TNRC18: variants seen among roughly 807,000 people sequenced by gnomAD.
The protein encoded by TNRC18 is trinucleotide repeat containing 18.
In TNRC18, 69 loss-of-function variants were observed where a neutral mutation model predicts 226.7. That is an observed-to-expected ratio of 0.30 (90% confidence interval 0.25 to 0.37). The LOEUF (loss-of-function observed/expected upper bound fraction) is 0.37. Among genes scored for constraint, TNRC18 ranks in the 10% least tolerant of loss-of-function variants. The pLI is 1.00. For synonymous variants in TNRC18, 2,449 were observed against 1,927.6 expected (o/e 1.27, Z -7.09); for missense variants, 4,754 against 4,256.6 (o/e 1.12, Z -3.25).
In TNRC18 at chr7:5,377,106, G is replaced by A. The variant is rs1280597449; in HGVS notation, c.2462-113C>T. 1 of 1,437,284 alleles carries A rather than the reference G, an allele frequency of 7.0e-7. No homozygotes were observed. Among genetic ancestry groups the A allele is most frequent in the Non-Finnish European group, 9.3e-7 (1 of 1,072,744 alleles). The allele number at this position is 1,437,284 out of a possible 1,614,324, so 89.0% of individuals were successfully genotyped here. A position where few individuals can be genotyped will look rare whatever the true frequency, so the allele number is the denominator to read the frequency against. Reference sequence around the variant, plus strand: ...AGTCCTGAACCTCCTGGGGCCTCCAGTGGGGAAGCCAAGGGACAGGGGTGC... The same window carrying A: ...AGTCCTGAACCTCCTGGGGCCTCCAATGGGGAAGCCAAGGGACAGGGGTGC... On this transcript the variant is annotated intron_variant, in intron 7 of 29. Coordinates refer to ENST00000430969, the MANE Select transcript of TNRC18 (RefSeq NM_001080495.3). This position sits in a 1 kb window ranked among gnomAD's most constrained non-coding sequence, Gnocchi z 5.8.
At chr7:5,386,784 A>ATT (rs1172419994) in intron 5 of TNRC18, among the ~76,000 whole-genome samples, 1 of 152,116 alleles carries the variant, frequency 6.6e-6, no homozygotes, top group African/African-American at 2.4e-5. Flanking sequence ...CTAAAAATAA[A>ATT]TAAAACAGGC....
At chr7:5,329,682 C>CAAAAAAAAAAAA (rs10628315) in intron 19 of TNRC18, among the ~76,000 whole-genome samples, 1 of 45,756 alleles carries the variant, frequency 2.2e-5, no homozygotes, top group Non-Finnish European at 3.6e-5. Flanking sequence ...GACTCCGTCT[C>CAAAAAAAAAAAA]AAAAAAAAAA....
intron 2 of TNRC18, among the ~76,000 whole-genome samples, chr7:5,396,184 A>AG (rs1780676088): frequency 6.8e-6 from 1 of 147,872 alleles, no homozygotes; most frequent in Admixed American, 6.8e-5. Context: ...AAAAAAAAAA[A>AG]AAAAATGCAA....
intron 13 of TNRC18, 52 bp downstream of exon 13, chr7:5,361,845 G>T (rs947892805): frequency 2.6e-6 from 4 of 1,509,770 alleles, no homozygotes; most frequent in South Asian, 1.3e-5. Context: ...GCGCCTGGGG[G>T]CCTGGTGGGC....
At chr7:5,378,104 C>G in intron 5 of TNRC18, 80 bp from the exon 6 acceptor site, 1 of 1,178,322 alleles carries the variant, frequency 8.5e-7, no homozygotes. Flanking sequence ...GCCCTCACCC[C>G]TCCCTGGGCC....
intron 21 of TNRC18, among the ~76,000 whole-genome samples, chr7:5,321,825 C>T (rs1346247442): frequency 5.9e-5 from 9 of 151,802 alleles, no homozygotes; most frequent in Non-Finnish European, 8.8e-5. Context: ...GTGCCTGCCA[C>T]CAGGCCCGGC....
At chr7:5,342,750 G>A (rs1217446420) in intron 18 of TNRC18, among the ~76,000 whole-genome samples, 1 of 152,228 alleles carries the variant, frequency 6.6e-6, no homozygotes, top group Non-Finnish European at 1.5e-5. Context: ...CAGCAGCAGG[G>A]TTTGAGAGGA....
In TNRC18 at chr7:5,376,076, C is replaced by T. The variant is rs771690172; in HGVS notation, c.2757G>A (p.Gln919=). ...TCTGCAGTTCCAAGGCCTGGGCCGC[C>T]TGCTGCTGCAGGTACAGGAACTCCT... The part of the protein sequence containing the change: ...RQQEFLYLQQ[Q]AAQALELQRS... Residue 919 remains glutamine (Q), a synonymous_variant, in exon 9 of 30, where the codon CAG becomes CAA. Transcript: ENST00000430969. 16 of 1,597,302 alleles carry T rather than the reference C, an allele frequency of 1.0e-5. No individual in the cohort carries two copies. The highest frequency in any genetic ancestry group is 1.4e-5 in the Non-Finnish European group (16 of 1,173,266).
At chr7:5,380,804 T>A (rs1296155563) in intron 5 of TNRC18, among the ~76,000 whole-genome samples, 1 of 152,140 alleles carries the variant, frequency 6.6e-6, no homozygotes, top group Non-Finnish European at 1.5e-5. Flanking sequence ...GTCCCACAGC[T>A]GTGCTGAGAA....
Position 5,324,323 on chromosome 7 carries a change from C to T in TNRC18, c.6333G>A (p.Leu2111=). ...NRGKGGAVSK[L]MESMAAEEDF... is the part of the protein sequence containing the mutation. ...CCTCCTCGGCTGCCATGCTCTCCAT[C>T]AGCTTGCTCACGGCACCCCCCTTGC... The change falls in exon 21 of 30, where the codon CTG becomes CTA. Residue 2111 remains leucine, a synonymous_variant. Coordinates refer to ENST00000430969, the MANE Select transcript of TNRC18 (RefSeq NM_001080495.3). This position sits in a 1 kb window ranked among gnomAD's most constrained non-coding sequence, Gnocchi z 4.8. 1 of 1,613,646 alleles carries T rather than the reference C, an allele frequency of 6.2e-7. No homozygotes were observed. The highest frequency in any genetic ancestry group is 1.1e-5 in the South Asian group (1 of 91,078).
At chr7:5,314,671 G>A (rs1787661482) in intron 26 of TNRC18, among the ~76,000 whole-genome samples, 1 of 143,550 alleles carries the variant, frequency 7.0e-6, no homozygotes, top group Non-Finnish European at 1.5e-5. Flanking sequence ...CTCCCAGGTT[G>A]AAGTGATTCT....
Position 5,333,009 on chromosome 7 carries a change from C to T in TNRC18, c.5760G>A (p.Lys1920=), listed in dbSNP as rs1390100003. 1.3e-6 allele frequency: 2 copies of T among 1,578,070 alleles called. No homozygotes were observed. The highest frequency in any genetic ancestry group is 3.5e-5 in the Admixed American group (2 of 57,494). Residue 1920 remains lysine, a synonymous_variant, in exon 19 of 30, where the codon AAG becomes AAA. Coordinates refer to ENST00000430969, the MANE Select transcript of TNRC18 (RefSeq NM_001080495.3). ...FEYTDSESEV[K]VRKRSPAGLL... is the part of the protein sequence containing the mutation. ...GCCCCGCAGGCGACCGCTTGCGCAC[C>T]TTGACCTCGCTCTCTGAGTCGGTGT...
intron 10 of TNRC18, among the ~76,000 whole-genome samples, 173 bp from the exon 11 acceptor site, chr7:5,371,537 G>C (rs1794160146): frequency 6.6e-6 from 1 of 152,178 alleles, no homozygotes; most frequent in East Asian, 1.9e-4. Context: ...GGGCCATGCA[G>C]TGGCCCCAAA....
intron 2 of TNRC18, chr7:5,420,726 C>G (rs1454281001): frequency 7.0e-6 from 4 of 568,844 alleles, no homozygotes; most frequent in South Asian, 3.1e-5. Flanking sequence ...CCGGTTTGTT[C>G]TTTTCTCGCC....
In TNRC18 at chr7:5,313,159, C is replaced by T. The variant is rs1264904511; in HGVS notation, c.7732G>A (p.Gly2578Ser). The T allele has an allele frequency of 2.8e-5, 43 of 1,518,392 alleles. 1 individual carries two copies. Among genetic ancestry groups the T allele is most frequent in the African/African-American group, 1.4e-4 (10 of 72,252 alleles). 94.1% of individuals were successfully genotyped at this position (1,518,392 alleles called of 1,614,324 possible). Reference sequence around the variant, plus strand: ...TCCTCCTCCCCTTCTGTCTCCGAGCCGCTGCTGCTGCTGCTGCTGCTGCTG... The same window carrying T: ...TCCTCCTCCCCTTCTGTCTCCGAGCTGCTGCTGCTGCTGCTGCTGCTGCTG... The part of the protein sequence containing the change: ...SSSSSSSSSS[G>S]SETEGEEEGD... Residue 2578 changes from glycine (G) to serine (S), a missense_variant, in exon 27 of 30, where the codon GGC becomes AGC. Coordinates refer to ENST00000430969, the MANE Select transcript of TNRC18 (RefSeq NM_001080495.3).
Position 5,387,651 on chromosome 7 carries a change from TGGGCTCTGCCCA to T in TNRC18, c.2152+9_2152+20del, listed in dbSNP as rs1562594074. On this transcript the variant is annotated intron_variant, in intron 5 of 29. Coordinates refer to ENST00000430969, the MANE Select transcript of TNRC18 (RefSeq NM_001080495.3). Reference sequence around the variant, plus strand: ...AGAGACCCAAGATCCTACCCGCACCTGGGCTCTGCCCAGGACCTACCTTTGACGTTACTCAGC... The same window carrying T: ...AGAGACCCAAGATCCTACCCGCACCTGGACCTACCTTTGACGTTACTCAGC... 6.2e-7 allele frequency: 1 copy of T among 1,601,502 alleles called. No individual in the cohort carries two copies. Among genetic ancestry groups the T allele is most frequent in the East Asian group, 2.2e-5 (1 of 44,886 alleles).
chr7:5,411,784 G>A (rs1366068774), intron 2 of TNRC18, among the ~76,000 whole-genome samples: 1 of 151,978 alleles, frequency 6.6e-6, no homozygotes. Flanking sequence ...CAAGAACCGG[G>A]CCAACCAGAC....
intron 24 of TNRC18, among the ~76,000 whole-genome samples, chr7:5,319,106 T>A (rs1788104381): frequency 6.6e-6 from 1 of 152,196 alleles, no homozygotes; most frequent in Non-Finnish European, 1.5e-5. Context: ...GGACAGCATG[T>A]GCTAGGAAAT....
rs764874222 is a variant in TNRC18, at chr7:5,371,253, A to C, written c.3341T>G (p.Val1114Gly). The C allele has an allele frequency of 1.0e-4, 166 of 1,601,836 alleles. No individual in the cohort carries two copies. Among genetic ancestry groups the C allele is most frequent in the Non-Finnish European group, 1.3e-4 (156 of 1,173,294 alleles). ...CTCGGGCCCATCAGCCGGGAGCGGC[A>C]CATCAGGGGCCAAGCCGTCCGCGTC... ...AADADGLAPDVPLPADGPERL... is the reference protein window; with the variant it reads ...AADADGLAPDGPLPADGPERL... The change falls in exon 11 of 30, where the codon GTG becomes GGG. Residue 1114 changes from valine (V) to glycine (G), a missense_variant. Transcript: ENST00000430969.
Sources: gnomAD v4.1 joint callset for allele counts (sites outside exome capture counted in the v4.1 genomes callset) on GRCh38, gnomAD v4.1.1 for gene constraint, Gnocchi (gnomAD v3.1) non-coding constraint, MANE v1.5 for transcripts, NCBI Gene and HGNC (gene_info 2026-07-23, HGNC 2026-07-21) for gene names.